The following NPAS2 variants were observed in gnomAD, a reference collection of about 807,000 sequenced individuals.
The protein encoded by NPAS2 is neuronal PAS domain protein 2, also known as neuronal PAS domain-containing protein 2.
A neutral mutation model predicts 107.5 loss-of-function variants in NPAS2; 23 were observed. The observed-to-expected ratio is 0.21, with a 90% CI of 0.15 to 0.30. NPAS2 has a LOEUF of 0.30. NPAS2 is among the 10% of genes least tolerant of loss of function. NPAS2 has a pLI of 1.00. For missense variants in NPAS2, 756 were observed against 1,043.3 expected, an observed-to-expected ratio of 0.72 and a Z score of 3.79; for synonymous variants, 403 against 417.5, an observed-to-expected ratio of 0.97 and a Z score of 0.42.
intron 5 of NPAS2, among the ~76,000 whole-genome samples, chr2:100,948,011 T>C (rs927612989): frequency 5.3e-5 from 8 of 152,224 alleles, no homozygotes; most frequent in African/African-American, 1.7e-4. Context: ...AGTTCCCTCC[T>C]TGGCCCACAG....
intron 1 of NPAS2, among the ~76,000 whole-genome samples, chr2:100,848,435 C>T (rs2104457443): frequency 6.6e-6 from 1 of 152,116 alleles, no homozygotes; most frequent in African/African-American, 2.4e-5. Context: ...TTTCTGGGAT[C>T]CAAGGAAACT....
At chr2:100,959,089 C>CAAAAA (rs758460503) in intron 7 of NPAS2, among the ~76,000 whole-genome samples, 17 of 47,516 alleles carry the variant, frequency 3.6e-4, no homozygotes, top group South Asian at 8.4e-4. Flanking sequence ...CCCATCTCTT[C>CAAAAA]AAAAAAAAAA....
At chr2:100,853,052 C>G (rs746377506) in intron 1 of NPAS2, among the ~76,000 whole-genome samples, 5 of 152,114 alleles carry the variant, frequency 3.3e-5, no homozygotes, top group Non-Finnish European at 7.3e-5. Context: ...TTATAAACTT[C>G]TATCATGTGA....
intron 7 of NPAS2, among the ~76,000 whole-genome samples, chr2:100,953,401 A>C (rs989306436): frequency 6.6e-6 from 1 of 150,382 alleles, no homozygotes; most frequent in African/African-American, 2.4e-5. Context: ...CAAAAAAAAC[A>C]CCCTATAAAA....
chr2:100,841,330 T>G (rs1003142129), intron 1 of NPAS2, among the ~76,000 whole-genome samples: 2 of 152,088 alleles, frequency 1.3e-5, no homozygotes, highest in Admixed American at 1.3e-4. Context: ...CCCAGCTACT[T>G]TGGAGACTGA....
chr2:100,991,505 T>TAAA, intron 19 of NPAS2, among the ~76,000 whole-genome samples: 1 of 152,240 alleles, frequency 6.6e-6, no homozygotes, highest in East Asian at 1.9e-4. Context: ...GTTGACTTTG[T>TAAA]GTCCAGAACT....
At chr2:100,981,011 C>G (rs149323567) in intron 15 of NPAS2, among the ~76,000 whole-genome samples, 3 of 152,334 alleles carry the variant, frequency 2.0e-5, no homozygotes, top group Admixed American at 6.5e-5. Flanking sequence ...ACACGTACCT[C>G]TACTTGCCTG....
chr2:100,862,723 C>T (rs940331927), intron 1 of NPAS2, among the ~76,000 whole-genome samples: 2 of 152,188 alleles, frequency 1.3e-5, no homozygotes, highest in Non-Finnish European at 2.9e-5. Context: ...CGCATTGGGC[C>T]TGGCTTTTGC....
intron 2 of NPAS2, among the ~76,000 whole-genome samples, chr2:100,921,728 T>G (rs1306217526): frequency 1.3e-5 from 2 of 152,200 alleles, no homozygotes; most frequent in Non-Finnish European, 2.9e-5. Context: ...AGGTAACATT[T>G]CAACGGCTAA....
intron 1 of NPAS2, among the ~76,000 whole-genome samples, chr2:100,892,578 G>T (rs1225523973): frequency 1.3e-5 from 2 of 152,184 alleles, no homozygotes; most frequent in Non-Finnish European, 2.9e-5. Context: ...TGTTAGGATT[G>T]GATCTGTCCG....
At chr2:100,904,283 A>T (rs1224756496) in intron 1 of NPAS2, among the ~76,000 whole-genome samples, 1 of 152,200 alleles carries the variant, frequency 6.6e-6, no homozygotes, top group African/African-American at 2.4e-5. Flanking sequence ...GCTTGAGAGG[A>T]ACAGATGCTG....
chr2:100,962,589 GT>G (rs1250453251), intron 7 of NPAS2, among the ~76,000 whole-genome samples: 1 of 152,216 alleles, frequency 6.6e-6, no homozygotes, highest in Non-Finnish European at 1.5e-5. Flanking sequence ...TAGCTGATCT[GT>G]TTAGGGCCCA....
Position 100,883,932 on chromosome 2 carries a change from T to G in NPAS2, c.-22-20801T>G, listed in dbSNP as rs537742549. ...GCCCCAGCCCACACAGAGAAGTGTTTCTGTTTCACCCCTGGAGAGGGCCCT... is the reference window on the plus strand; with the variant it reads ...GCCCCAGCCCACACAGAGAAGTGTTGCTGTTTCACCCCTGGAGAGGGCCCT... On this transcript the variant is annotated intron_variant, in intron 1 of 20. Transcript: ENST00000335681. Among the ~76,000 whole-genome samples, 6 of 152,256 alleles carry G rather than the reference T, an allele frequency of 3.9e-5. No individual in the cohort carries two copies. In the South Asian group the frequency reaches 1.0e-3, roughly 26 times the overall value.
At chr2:100,897,268 A>C (rs1224190050) in intron 1 of NPAS2, among the ~76,000 whole-genome samples, 1 of 152,128 alleles carries the variant, frequency 6.6e-6, no homozygotes, top group Non-Finnish European at 1.5e-5. Flanking sequence ...AAACCATATC[A>C]TAGCTGGGCG....
At chr2:100,954,284 G>A (rs1288407220) in intron 7 of NPAS2, among the ~76,000 whole-genome samples, 1 of 152,184 alleles carries the variant, frequency 6.6e-6, no homozygotes, top group East Asian at 1.9e-4. Context: ...TGAGTTGTTT[G>A]TCCTCTCTAG....
intron 1 of NPAS2, among the ~76,000 whole-genome samples, chr2:100,876,646 G>T (rs1443522931): frequency 1.3e-5 from 2 of 152,166 alleles, no homozygotes; most frequent in Non-Finnish European, 2.9e-5. Context: ...TGTGTGGTTG[G>T]TGGCAAGGGG....
intron 1 of NPAS2, among the ~76,000 whole-genome samples, chr2:100,841,003 TTCC>T (rs1252968202): frequency 6.6e-6 from 1 of 152,110 alleles, no homozygotes; most frequent in East Asian, 1.9e-4. Flanking sequence ...AGGGTCTCCA[TTCC>T]TCCTCTGTAC....
rs80067332 is a variant in NPAS2 at position 100,842,631 on chromosome 2, A to G, written c.-23+22217A>G. Among the ~76,000 whole-genome samples, 54 of 152,262 alleles carry G rather than the reference A, an allele frequency of 3.5e-4. 1 individual carries two copies. The East Asian group carries it at 9.1e-3, about 26-fold the overall frequency. Reference sequence around the variant, plus strand: ...GTGGGCAGCATCTCAGACCCTACACAGTTTCACAAAGCGGGTCCATATAAC... The same window carrying G: ...GTGGGCAGCATCTCAGACCCTACACGGTTTCACAAAGCGGGTCCATATAAC... On this transcript the variant is annotated intron_variant, in intron 1 of 20. Transcript: ENST00000335681.
At chr2:100,975,650 C>T (rs1676938679) in intron 14 of NPAS2, 83 bp downstream of exon 14, 1 of 991,798 alleles carries the variant, frequency 1.0e-6, no homozygotes, top group East Asian at 2.8e-5. Flanking sequence ...TGCTGCGTCT[C>T]CCCAGAGAAT....
Sources: allele counts gnomAD v4.1 joint callset (sites outside exome capture counted in the v4.1 genomes callset), GRCh38; gene constraint gnomAD v4.1.1; transcripts MANE v1.5; gene names NCBI Gene and HGNC (gene_info 2026-07-23, HGNC 2026-07-21).